The following FARS2 variants were observed in gnomAD, a reference collection of about 807,000 sequenced individuals.
The protein encoded by FARS2 is phenylalanyl-tRNA synthetase 2, mitochondrial.
A neutral mutation model predicts 46.4 loss-of-function variants in FARS2; 40 were observed. That is an observed-to-expected ratio of 0.86 (90% confidence interval 0.67 to 1.12). The LOEUF is 1.12. Ranked by LOEUF, FARS2 falls within the 50% of genes most tolerant of loss-of-function variation. FARS2 has a pLI of 0.00. For synonymous variants in FARS2, 234 were observed against 214.9 expected (o/e 1.09, Z -0.78); for missense variants, 513 against 567.9 (o/e 0.90, Z 0.98).
chr6:5,527,951 G>C (rs149511269), intron 4 of FARS2, among the ~76,000 whole-genome samples: 4 of 152,170 alleles, frequency 2.6e-5, no homozygotes. Flanking sequence ...TGTACTGGGG[G>C]CTAGTCAAAG....
intron 4 of FARS2, among the ~76,000 whole-genome samples, chr6:5,517,486 G>A (rs1309192912): frequency 6.6e-6 from 1 of 151,856 alleles, no homozygotes; most frequent in Admixed American, 6.6e-5. Context: ...GGTGGCACAC[G>A]CTTGTAATCC....
intron 5 of FARS2, among the ~76,000 whole-genome samples, chr6:5,585,537 A>G (rs7767977): frequency 0.17 from 25,661 of 150,932 alleles, 2,546 homozygotes; most frequent in East Asian, 0.41. Flanking sequence ...TCAACTTTTT[A>G]AAGATTTCTC....
intron 6 of FARS2, among the ~76,000 whole-genome samples, chr6:5,689,852 C>G (rs1757557271): frequency 6.6e-6 from 1 of 152,128 alleles, no homozygotes; most frequent in Non-Finnish European, 1.5e-5. Context: ...TTGTAGGTCT[C>G]TAAGGACTTG....
intron 1 of FARS2, among the ~76,000 whole-genome samples, chr6:5,317,896 T>C (rs1293451763): frequency 1.3e-5 from 2 of 152,138 alleles, no homozygotes; most frequent in Non-Finnish European, 2.9e-5. Flanking sequence ...AACGGGTCCC[T>C]GTGCTCTTTC....
rs548411207 is a variant in FARS2, at chr6:5,574,192, T to C, written c.1065+28852T>C. Among the ~76,000 whole-genome samples the C allele has an allele frequency of 1.2e-4, 19 of 152,304 alleles. 1 individual carries two copies. The South Asian group carries it at 2.5e-3, about 20-fold the overall frequency. ...TGTCATCCAGGCTGGACTACAGTGGTGCGATCTCGGCTCACTGCAGCTCCC... is the reference window on the plus strand; with the variant it reads ...TGTCATCCAGGCTGGACTACAGTGGCGCGATCTCGGCTCACTGCAGCTCCC... On this transcript the variant is annotated intron_variant, in intron 5 of 6. Coordinates refer to ENST00000274680, the MANE Select transcript of FARS2 (RefSeq NM_006567.5).
At chr6:5,325,356 A>C (rs1770294615) in intron 1 of FARS2, among the ~76,000 whole-genome samples, 1 of 152,256 alleles carries the variant, frequency 6.6e-6, no homozygotes, top group Non-Finnish European at 1.5e-5. Flanking sequence ...CCCTGGTGCT[A>C]AGTGCACCTA....
In FARS2 at chr6:5,630,074, C is replaced by T. The variant is rs1011627147; in HGVS notation, c.1217+16754C>T. On this transcript the variant is annotated intron_variant, in intron 6 of 6. Coordinates refer to ENST00000274680, the MANE Select transcript of FARS2 (RefSeq NM_006567.5). This position sits in a 1 kb window ranked among gnomAD's most constrained non-coding sequence, Gnocchi z 4.2. Reference sequence around the variant, plus strand: ...CAGCAGAGAGAGGCCAGGATTGGAACGTGTACTACTCTTGACCACTGGAGC... The same window carrying T: ...CAGCAGAGAGAGGCCAGGATTGGAATGTGTACTACTCTTGACCACTGGAGC... 6.6e-6 allele frequency among the ~76,000 whole-genome samples: 1 copy of T among 152,144 alleles called. No individual in the cohort carries two copies. Among genetic ancestry groups the T allele is most frequent in the Non-Finnish European group, 1.5e-5 (1 of 68,036 alleles).
At chr6:5,260,936 G>A (rs2127792718), upstream of FARS2, 1 of 1,350,190 alleles carries the variant, frequency 7.4e-7, no homozygotes, top group Non-Finnish European at 9.5e-7. Flanking sequence ...TCGGGGGCGG[G>A]CGCAGGCAGG....
chr6:5,472,994 T>C (rs1765889301), intron 4 of FARS2, among the ~76,000 whole-genome samples: 1 of 152,230 alleles, frequency 6.6e-6, no homozygotes, highest in African/African-American at 2.4e-5. Flanking sequence ...AAATATATAT[T>C]CATGGCCTAA....
At chr6:5,305,305 A>G (rs1304687367) in intron 1 of FARS2, among the ~76,000 whole-genome samples, 1 of 152,182 alleles carries the variant, frequency 6.6e-6, no homozygotes, top group African/African-American at 2.4e-5. Context: ...TGTCTAGCAC[A>G]TTGTATTGTA....
chr6:5,397,490 T>C (rs1248916258), intron 2 of FARS2, among the ~76,000 whole-genome samples: 1 of 152,196 alleles, frequency 6.6e-6, no homozygotes, highest in Non-Finnish European at 1.5e-5. Context: ...GTGTAACAAG[T>C]GTACCACTCT....
At chr6:5,330,233 A>AAT (rs139368548) in intron 1 of FARS2, among the ~76,000 whole-genome samples, 21 of 151,840 alleles carry the variant, frequency 1.4e-4, no homozygotes, top group South Asian at 2.1e-4. Flanking sequence ...ACAGTCAGCA[A>AAT]ATATATATAT....
Position 5,765,603 on chromosome 6 carries a change from G to A in FARS2, c.1218-5688G>A, listed in dbSNP as rs1014302181. Among the ~76,000 whole-genome samples, 5 of 152,318 alleles carry A rather than the reference G, an allele frequency of 3.3e-5. No individual in the cohort carries two copies. The highest frequency in any genetic ancestry group is 2.1e-4 in the South Asian group (1 of 4,828). ...AGCGCGTGTCAGTGTTCTCGGGGAG[G>A]TGGGAGAAATTATGCACTGAAGAGC... On this transcript the variant is annotated intron_variant, in intron 6 of 6. Transcript: ENST00000274680. This position sits in a 1 kb window ranked among gnomAD's most constrained non-coding sequence, Gnocchi z 4.0.
At chr6:5,539,228 CA>C (rs1270929143) in intron 4 of FARS2, among the ~76,000 whole-genome samples, 11 of 150,096 alleles carry the variant, frequency 7.3e-5, no homozygotes, top group East Asian at 3.9e-4. Context: ...TTTTTTGAGA[CA>C]GGAGTCTCGC....
At chr6:5,353,681 G>A (rs1348647069) in intron 1 of FARS2, among the ~76,000 whole-genome samples, 1 of 124,846 alleles carries the variant, frequency 8.0e-6, no homozygotes, top group Non-Finnish European at 1.7e-5. Context: ...CCATTTGTAT[G>A]TCTCTTCAGA....
intron 4 of FARS2, among the ~76,000 whole-genome samples, chr6:5,530,332 G>A (rs919859392): frequency 6.6e-6 from 1 of 152,122 alleles, no homozygotes; most frequent in African/African-American, 2.4e-5. Context: ...ATAAAGGAAA[G>A]CTAGGGAATG....
chr6:5,326,005 A>G (rs1770349367), intron 1 of FARS2, among the ~76,000 whole-genome samples: 1 of 152,214 alleles, frequency 6.6e-6, no homozygotes, highest in Non-Finnish European at 1.5e-5. Context: ...CTTCTCATAT[A>G]TTGTTAATGG....
At chr6:5,379,719 A>G (rs557943432) in intron 2 of FARS2, among the ~76,000 whole-genome samples, 1 of 152,274 alleles carries the variant, frequency 6.6e-6, no homozygotes, top group African/African-American at 2.4e-5. Flanking sequence ...AAATGATCAA[A>G]TGGGGTACCG....
At chr6:5,545,771 T>C (rs547041273) in intron 5 of FARS2, among the ~76,000 whole-genome samples, 1 of 152,328 alleles carries the variant, frequency 6.6e-6, no homozygotes, top group Admixed American at 6.5e-5. Context: ...CATCCATGTT[T>C]CTGCAAAGGA....
Sources: allele counts gnomAD v4.1 joint callset (sites outside exome capture counted in the v4.1 genomes callset), GRCh38; gene constraint gnomAD v4.1.1; non-coding constraint Gnocchi (gnomAD v3.1); transcripts MANE v1.5; gene names NCBI Gene and HGNC (gene_info 2026-07-23, HGNC 2026-07-21).